Variants in DTNA observed in about 807,000 individuals in gnomAD.
DTNA encodes the protein dystrophin-related protein 3.
A neutral mutation model predicts 100.7 loss-of-function variants in DTNA; 43 were observed. That is an observed-to-expected ratio of 0.43 (90% CI 0.33 to 0.55). DTNA has a LOEUF of 0.55. DTNA is among the 20% of genes least tolerant of loss of function. DTNA has a pLI of 0.04. For missense variants in DTNA, 798 were observed against 953.9 expected (o/e 0.84, Z 2.15); for synonymous variants, 349 against 347.9 (o/e 1.00, Z -0.04).
At chr18:34,624,110 A>T (rs1303219295) in intron 1 of DTNA, among the ~76,000 whole-genome samples, 1 of 152,210 alleles carries the variant, frequency 6.6e-6, no homozygotes, top group Non-Finnish European at 1.5e-5. Flanking sequence ...CCCACCTCTG[A>T]AGAAAGAAAT....
intron 1 of DTNA, among the ~76,000 whole-genome samples, chr18:34,671,251 G>A (rs1340011480): frequency 1.3e-5 from 2 of 152,162 alleles, no homozygotes; most frequent in Admixed American, 1.3e-4. Context: ...ATAATCTCCT[G>A]GTGTGCCATT....
intron 3 of DTNA, among the ~76,000 whole-genome samples, chr18:34,777,947 C>T (rs543114941): frequency 6.6e-6 from 1 of 152,300 alleles, no homozygotes; most frequent in Non-Finnish European, 1.5e-5. Flanking sequence ...TGCCATAAGG[C>T]TTCTAAAAAT....
intron 1 of DTNA, among the ~76,000 whole-genome samples, chr18:34,572,905 T>A (rs1366481866): frequency 6.6e-6 from 1 of 152,162 alleles, no homozygotes; most frequent in Non-Finnish European, 1.5e-5. Flanking sequence ...AGATATAAGA[T>A]CAAATTTATG....
intron 5 of DTNA, among the ~76,000 whole-genome samples, chr18:34,811,732 C>T (rs1217746464): frequency 6.6e-6 from 1 of 152,132 alleles, no homozygotes; most frequent in East Asian, 1.9e-4. Flanking sequence ...AAAATGTTAA[C>T]TTTACCCAAA....
At chr18:34,851,098 TTTTA>T (rs1351054248) in intron 14 of DTNA, among the ~76,000 whole-genome samples, 1 of 152,102 alleles carries the variant, frequency 6.6e-6, no homozygotes, top group African/African-American at 2.4e-5. Context: ...AAAACTATAT[TTTTA>T]TTTATTTATT....
intron 17 of DTNA, chr18:34,868,655 T>C (rs537489425): frequency 2.0e-5 from 20 of 985,346 alleles, no homozygotes; most frequent in South Asian, 4.7e-5. Context: ...TTTATTATAC[T>C]GGCATATATA....
rs370006351 is a variant in DTNA, at chr18:34,704,394, TG to T, written c.-1-51581del. On this transcript the variant is annotated intron_variant, in intron 1 of 19. Coordinates refer to the DTNA transcript ENST00000283365. ...AGCTTTAGAATGTGTACTGTGCTGA[TG>T]TATTCCAAGTCCCTGAATACAAAGT... Among the ~76,000 whole-genome samples, 725 of 152,344 alleles carry T rather than the reference TG, an allele frequency of 4.8e-3. 5 individuals are homozygous for T. The highest frequency in any genetic ancestry group is 0.015 in the African/African-American group (636 of 41,598).
At chr18:34,839,264 G>A (rs185134513) in intron 13 of DTNA, among the ~76,000 whole-genome samples, 22 of 152,294 alleles carry the variant, frequency 1.4e-4, no homozygotes, top group African/African-American at 3.4e-4. Flanking sequence ...GAGAAAATGC[G>A]ATGTGATTGA....
rs1055436477 is a variant in DTNA, at chr18:34,547,500, C to A, written c.-2+53986C>A. ...GAAGTCTTACAGGGTGGGAATTACT[C>A]TGTGCTCTGACCTGTGTGCATAAGG... is the stretch of plus-strand genomic sequence containing the variant. On this transcript the variant is annotated intron_variant, in intron 1 of 19. Coordinates refer to the DTNA transcript ENST00000283365. Among the ~76,000 whole-genome samples, 15 of 152,106 alleles carry A rather than the reference C, an allele frequency of 9.9e-5. No individual in the cohort carries two copies. In the South Asian group the frequency reaches 1.5e-3, roughly 15 times the overall value.
chr18:34,526,421 C>T (rs185429583), intron 1 of DTNA, among the ~76,000 whole-genome samples: 3 of 152,162 alleles, frequency 2.0e-5, no homozygotes, highest in Non-Finnish European at 2.9e-5. Flanking sequence ...CAATTAGGTT[C>T]AAACATTATT....
intron 1 of DTNA, among the ~76,000 whole-genome samples, chr18:34,573,046 T>C (rs921490487): frequency 3.9e-5 from 6 of 152,204 alleles, no homozygotes; most frequent in African/African-American, 1.4e-4. Context: ...GAATAACATA[T>C]AGAAGGTTCC....
At chr18:34,696,787 C>G (rs2080629463) in intron 1 of DTNA, among the ~76,000 whole-genome samples, 1 of 152,126 alleles carries the variant, frequency 6.6e-6, no homozygotes, top group African/African-American at 2.4e-5. Context: ...TGTCACTACT[C>G]ATAACCAAAT....
chr18:34,587,378 C>G (rs905565525), intron 1 of DTNA, among the ~76,000 whole-genome samples: 2 of 150,374 alleles, frequency 1.3e-5, no homozygotes, highest in African/African-American at 5.0e-5. Flanking sequence ...TAGTCAGTCT[C>G]TCTCTTTCAT....
At chr18:34,636,396 TA>T (rs1055651020) in intron 1 of DTNA, among the ~76,000 whole-genome samples, 2 of 152,234 alleles carry the variant, frequency 1.3e-5, no homozygotes, top group African/African-American at 4.8e-5. Flanking sequence ...ATTACAGGCA[TA>T]AACTGTAATC....
At chr18:34,771,360 G>T (rs1162641827) in intron 3 of DTNA, among the ~76,000 whole-genome samples, 2 of 152,032 alleles carry the variant, frequency 1.3e-5, no homozygotes, top group Non-Finnish European at 2.9e-5. Flanking sequence ...TTAGCGGGGC[G>T]TGGTGGCGGG....
intron 1 of DTNA, among the ~76,000 whole-genome samples, chr18:34,701,153 C>G (rs1473364302): frequency 6.6e-6 from 1 of 152,046 alleles, no homozygotes; most frequent in African/African-American, 2.4e-5. Context: ...CAATTGCTGC[C>G]CTACATTTGC....
chr18:34,873,816 TG>T (rs2096788850), intron 17 of DTNA, among the ~76,000 whole-genome samples: 2 of 152,184 alleles, frequency 1.3e-5, no homozygotes, highest in South Asian at 4.1e-4. Flanking sequence ...GGGGCTGAGC[TG>T]CCAGAGTTTG....
Position 34,890,641 on chromosome 18 carries a change from T to C in DTNA, c.*2907T>C. The C allele has an allele frequency of 1.2e-6, 1 of 842,938 alleles. No individual in the cohort carries two copies. The highest frequency in any genetic ancestry group is 2.7e-5 in the East Asian group (1 of 36,576). 52.2% of individuals were successfully genotyped at this position (842,938 alleles called of 1,614,324 possible). ...AGGAGGGGAGGAAGGTGAAATCTAC[T>C]GCATGGGATTCAGGAAACAGTTGTG... On this transcript the variant is annotated 3_prime_UTR_variant, in exon 23 of 23. Transcript: ENST00000444659.
chr18:34,569,537 T>C (rs1040919192), intron 1 of DTNA, among the ~76,000 whole-genome samples: 3 of 152,132 alleles, frequency 2.0e-5, no homozygotes, highest in Non-Finnish European at 4.4e-5. Flanking sequence ...AAAGGATTCA[T>C]CTAACTCAAA....
Sources: gnomAD v4.1 joint callset for allele counts (sites outside exome capture counted in the v4.1 genomes callset) on GRCh38, gnomAD v4.1.1 for gene constraint, MANE v1.5 for transcripts, NCBI Gene and HGNC (gene_info 2026-07-23, HGNC 2026-07-21) for gene names.